Variants in RMDN3 observed in about 807,000 individuals in gnomAD.
The protein encoded by RMDN3 is regulator of microtubule dynamics protein 3.
Under a neutral mutation model 61.8 loss-of-function variants are expected in RMDN3, and 41 were observed. That is an observed-to-expected ratio of 0.66 (90% CI 0.52 to 0.86). The LOEUF (loss-of-function observed/expected upper bound fraction) is 0.86. Among genes scored for constraint, RMDN3 ranks in the 40% least tolerant of loss-of-function variants. The probability of loss-of-function intolerance (pLI) is 0.00; values close to 1 mark genes in which losing one functional copy is unlikely to be tolerated. For missense variants in RMDN3, 557 were observed against 585.3 expected (o/e 0.95, Z 0.50); for synonymous variants, 247 against 232.0 (o/e 1.06, Z -0.59).
At chr15:40,754,268 CTACAGG>C (rs1897946094) in intron 2 of RMDN3, among the ~76,000 whole-genome samples, 1 of 151,900 alleles carries the variant, frequency 6.6e-6, no homozygotes, top group Non-Finnish European at 1.5e-5. Flanking sequence ...GTAGCTGGGA[CTACAGG>C]CCGCGCCACC....
intron 5 of RMDN3, among the ~76,000 whole-genome samples, chr15:40,744,649 TAC>T (rs1434215804): frequency 6.6e-6 from 1 of 151,330 alleles, no homozygotes; most frequent in Non-Finnish European, 1.5e-5. Context: ...AAAAAAAAAA[TAC>T]AGTTCTTTCC....
At chr15:40,740,278 G>T in intron 6 of RMDN3, 85 bp from the exon 7 acceptor site, 1 of 892,476 alleles carries the variant, frequency 1.1e-6, no homozygotes, top group Non-Finnish European at 1.8e-6. Context: ...GACTGCTTTA[G>T]CTCTCACCAA....
intron 3 of RMDN3, 100 bp from the exon 4 acceptor site, chr15:40,751,669 G>C: frequency 3.3e-6 from 5 of 1,534,786 alleles, no homozygotes; most frequent in Non-Finnish European, 4.5e-6. Flanking sequence ...CTCATTAAAG[G>C]GCTAAAAGCA....
intron 4 of RMDN3, among the ~76,000 whole-genome samples, chr15:40,747,227 T>C (rs930246578): frequency 4.6e-5 from 7 of 152,156 alleles, no homozygotes; most frequent in African/African-American, 1.7e-4. Flanking sequence ...GGGAGGGACC[T>C]AGCCCTGCTG....
chr15:40,748,458 C>T (rs1194710560), intron 4 of RMDN3, among the ~76,000 whole-genome samples: 1 of 152,250 alleles, frequency 6.6e-6, no homozygotes, highest in Non-Finnish European at 1.5e-5. Flanking sequence ...GAAATCCACT[C>T]TTCCCCTTGC....
chr15:40,752,106 T>C lies in RMDN3; in HGVS notation c.260A>G (p.Gln87Arg), dbSNP rs1897853156. 1 of 1,614,086 alleles carries C rather than the reference T, an allele frequency of 6.2e-7. No homozygotes were observed. Among genetic ancestry groups the C allele is most frequent in the African/African-American group, 1.3e-5 (1 of 74,932 alleles). The change falls in exon 3 of 13, where the codon CAG becomes CGG. Residue 87 changes from glutamine to arginine, a missense_variant. Transcript: ENST00000338376. Reference protein sequence around the residue: ...SVLPSLPREGQEKVLDRLDFV... With the variant: ...SVLPSLPREGREKVLDRLDFV... ...GTCCAGGCGGTCCAGCACCTTCTCCTGTCCTTCCCGTGGAAGGCTGGGCAG... is the reference window on the plus strand; with the variant it reads ...GTCCAGGCGGTCCAGCACCTTCTCCCGTCCTTCCCGTGGAAGGCTGGGCAG...
Position 40,737,617 on chromosome 15 carries a change from C to G in RMDN3, c.1224+11G>C, listed in dbSNP as rs549238967. ...CCTGGTGTTTTTGCCTGCCACCTGC[C>G]CCTCTCATACCTTTAGGAAGCTCTG... On this transcript the variant is annotated intron_variant, in intron 10 of 12. Coordinates refer to ENST00000338376, the MANE Select transcript of RMDN3 (RefSeq NM_018145.3). The G allele has an allele frequency of 1.2e-6, 2 of 1,608,936 alleles. No individual in the cohort carries two copies. The highest frequency in any genetic ancestry group is 1.7e-6 in the Non-Finnish European group (2 of 1,176,080).
chr15:40,750,210 GTT>G (rs10586666), intron 4 of RMDN3, among the ~76,000 whole-genome samples: 38,057 of 88,196 alleles, frequency 0.43, 6,530 homozygotes, highest in East Asian at 0.64. Context: ...TGCCCAGCTC[GTT>G]TTTTTTTTTT....
chr15:40,744,822 T>G (rs1401005137), intron 5 of RMDN3, among the ~76,000 whole-genome samples, 155 bp downstream of exon 5: 1 of 152,020 alleles, frequency 6.6e-6, no homozygotes, highest in Non-Finnish European at 1.5e-5. Context: ...ATATGTGACC[T>G]GGGGGACAGA....
In RMDN3 at chr15:40,736,563, A is replaced by G. The variant is rs1176204363; in HGVS notation, c.1391T>C (p.Leu464Pro). ...TGGTTAGTCTCGTAAAATGACTTCC[A>G]GTTCTTCCAGGTCCTTCTGGATAGC... Reference protein sequence around the residue: ...DLAIQKDLEELEVILRD With the variant: ...DLAIQKDLEEPEVILRD The change falls in exon 13 of 13, where the codon CTG becomes CCG. Residue 464 changes from leucine to proline, a missense_variant. By Grantham distance (98) the Leu-to-Pro change is moderately conservative (BLOSUM62 -3). Coordinates refer to ENST00000338376, the MANE Select transcript of RMDN3 (RefSeq NM_018145.3). The G allele has an allele frequency of 1.9e-6, 3 of 1,613,956 alleles. No individual in the cohort carries two copies. In the African/African-American group the frequency reaches 4.0e-5, roughly 22 times the overall value.
At chr15:40,743,861 CAA>C (rs777244549) in intron 6 of RMDN3, among the ~76,000 whole-genome samples, 184 bp downstream of exon 6, 4 of 152,314 alleles carry the variant, frequency 2.6e-5, no homozygotes, top group African/African-American at 7.2e-5. Context: ...TACAGATAAG[CAA>C]AGACTGCTCT....
At chr15:40,751,228 A>T (rs1281458310) in intron 4 of RMDN3, among the ~76,000 whole-genome samples, 198 bp downstream of exon 4, 1 of 152,278 alleles carries the variant, frequency 6.6e-6, no homozygotes, top group Non-Finnish European at 1.5e-5. Context: ...GATGCAAGCA[A>T]TAACTGCTAT....
intron 5 of RMDN3, among the ~76,000 whole-genome samples, chr15:40,744,509 G>GGGT (rs1648647426): frequency 6.6e-6 from 1 of 151,458 alleles, no homozygotes; most frequent in African/African-American, 2.4e-5. Context: ...CTGGGGGGGG[G>GGGT]GCATTTATAC....
rs1897043846 is a variant in RMDN3 at position 40,736,370 on chromosome 15, TAGGTTAG to T, written c.*164_*170del. 1.7e-6 allele frequency: 1 copy of T among 592,746 alleles called. No individual in the cohort carries two copies. The highest frequency in any genetic ancestry group is 1.9e-5 in the African/African-American group (1 of 52,698). 36.7% of individuals were successfully genotyped at this position (592,746 alleles called of 1,614,324 possible). ...CATGAGTACTGCCCCAATTCTAGAT[TAGGTTAG>T]AGGTTAGAATAAATTAACTAATGGG... On this transcript the variant is annotated 3_prime_UTR_variant, in exon 13 of 13. Transcript: ENST00000338376.
At chr15:40,743,267 A>T (rs1273341657) in intron 6 of RMDN3, among the ~76,000 whole-genome samples, 1 of 152,142 alleles carries the variant, frequency 6.6e-6, no homozygotes, top group Non-Finnish European at 1.5e-5. Flanking sequence ...CTAAAAATAC[A>T]AGACTTAGTC....
Position 40,738,015 on chromosome 15 carries a change from G to A in RMDN3, c.1075C>T (p.Gln359Ter). 6.2e-7 allele frequency: 1 copy of A among 1,614,194 alleles called. No homozygotes were observed. Among genetic ancestry groups the A allele is most frequent in the Non-Finnish European group, 8.5e-7 (1 of 1,180,028 alleles). The change falls in exon 9 of 13, where the codon CAG becomes TAG. Residue 359 changes from glutamine (Q) to a stop codon, truncating the protein, a stop_gained. Transcript: ENST00000338376. LOFTEE classifies it high-confidence loss of function. The stretch of plus-strand genomic sequence containing the variant: ...AAGTGAGCCATGGGGTTTTCTGGCT[G>A]GAGAGCAATGGCTTTGTCCACATGC... ...KEHVDKAIAL[Q>*]PENPMAHFLL...
intron 4 of RMDN3, among the ~76,000 whole-genome samples, chr15:40,750,106 C>A (rs965784324): frequency 1.6e-4 from 24 of 151,958 alleles, no homozygotes; most frequent in Admixed American, 1.0e-3. Flanking sequence ...CTCACTCTGT[C>A]ACCCAGGCTG....
Position 40,746,311 on chromosome 15 carries a change from C to A in RMDN3, c.525-1052G>T, listed in dbSNP as rs558169236. 1.6e-4 allele frequency among the ~76,000 whole-genome samples: 25 copies of A among 152,154 alleles called. No homozygotes were observed. In the South Asian group the frequency reaches 2.7e-3, roughly 16 times the overall value. ...CGGGCGGATCAGGAGGTCAGGAGAT[C>A]AAGACCATCCTGGCTAACACGGTGA... On this transcript the variant is annotated intron_variant, in intron 4 of 12. Coordinates refer to ENST00000338376, the MANE Select transcript of RMDN3 (RefSeq NM_018145.3).
chr15:40,737,777 T>C (rs867019950), intron 9 of RMDN3, 51 bp from the exon 10 acceptor site: 17 of 1,571,934 alleles, frequency 1.1e-5, no homozygotes, highest in Middle Eastern at 1.7e-4. Context: ...AGGTTTTTTT[T>C]CTTTAAATCT....
Sources: allele counts gnomAD v4.1 joint callset (sites outside exome capture counted in the v4.1 genomes callset), GRCh38; gene constraint gnomAD v4.1.1; transcripts MANE v1.5; gene names NCBI Gene and HGNC (gene_info 2026-07-23, HGNC 2026-07-21).